TET1: variants seen among roughly 807,000 people sequenced by gnomAD.
TET1 encodes tet methylcytosine dioxygenase 1, also known as methylcytosine dioxygenase TET1.
In TET1, 13 loss-of-function variants were observed where a neutral mutation model predicts 148.7. The ratio of observed to expected loss-of-function variants is 0.09; its 90% CI spans 0.06 to 0.14. The LOEUF is 0.14. TET1 is among the 10% of genes least tolerant of loss of function. The pLI, the probability that TET1 is intolerant of heterozygous loss-of-function variation, is 1.00. For synonymous variants in TET1, 907 were observed against 937.2 expected (o/e 0.97, Z 0.59); for missense variants, 2,182 against 2,553.8 (o/e 0.85, Z 3.14).
In TET1 at chr10:68,690,921, C is replaced by G; in HGVS notation, c.5518C>G (p.Pro1840Ala). ...TTCGCTGATGCCATCCGCTCCTCAC[C>G]CAGTGAAAGAGGCATCTCCAGGCTT... ...TYSLMPSAPH[P>A]VKEASPGFSW... The change falls in exon 12 of 12, where the codon CCA becomes GCA. Residue 1840 changes from proline to alanine, a missense_variant. Around this residue, in one of 11 missense-constraint regions of TET1, gnomAD observed 380 missense variants for 387.9 expected, o/e 0.98. Transcript: ENST00000373644. 1 of 1,614,188 alleles carries G rather than the reference C, an allele frequency of 6.2e-7. No individual in the cohort carries two copies. Among genetic ancestry groups the G allele is most frequent in the Middle Eastern group, 1.6e-4 (1 of 6,062 alleles).
chr10:68,631,367 T>C lies in TET1; in HGVS notation c.1969-13331T>C, dbSNP rs189098860. On this transcript the variant is annotated intron_variant, in intron 3 of 11. Coordinates refer to ENST00000373644, the MANE Select transcript of TET1 (RefSeq NM_030625.3). ...CAGACAATTATTTGGAGGACTTTGG[T>C]TGTAAAATGGTGCAATGTGGTAGGG... 7.5e-4 allele frequency among the ~76,000 whole-genome samples: 114 copies of C among 151,954 alleles called. 1 individual carries two copies. The highest frequency in any genetic ancestry group is 7.3e-3 in the Admixed American group (112 of 15,240).
At chr10:68,668,572 T>C (rs1385421007) in intron 7 of TET1, among the ~76,000 whole-genome samples, 1 of 152,220 alleles carries the variant, frequency 6.6e-6, no homozygotes, top group Non-Finnish European at 1.5e-5. Flanking sequence ...ATAAGTTTTG[T>C]TGTTGTTCTT....
At position 68,631,009 on chromosome 10, in the gene TET1, T is replaced by C. The variant is rs142839393; in HGVS notation, c.1969-13689T>C. ...GTGGGCAACATAATGAGACCTTGTC[T>C]CTACAAAAAATTTTAAAATTAGCCA... On this transcript the variant is annotated intron_variant, in intron 3 of 11. Coordinates refer to ENST00000373644, the MANE Select transcript of TET1 (RefSeq NM_030625.3). Among the ~76,000 whole-genome samples, 760 of 151,966 alleles carry C rather than the reference T, an allele frequency of 5.0e-3. 6 individuals carry two copies. Among genetic ancestry groups the C allele is most frequent in the African/African-American group, 0.017 (711 of 41,438 alleles).
Position 68,646,449 on chromosome 10 carries a change from T to G in TET1, c.3720T>G (p.Thr1240=). The G allele has an allele frequency of 2.5e-6, 4 of 1,614,124 alleles. No homozygotes were observed. Among genetic ancestry groups the G allele is most frequent in the South Asian group, 1.1e-5 (1 of 91,076 alleles). Residue 1240 remains threonine (T), a synonymous_variant, in exon 4 of 12, where the codon ACT becomes ACG. Coordinates refer to ENST00000373644, the MANE Select transcript of TET1 (RefSeq NM_030625.3). ...CCAAAACAGTATTTCCACCACTCAC[T>G]CAGATAAAATTACAGAGATATCCTG... The part of the protein sequence containing the change: ...MQPKTVFPPL[T]QIKLQRYPES...
intron 8 of TET1, among the ~76,000 whole-genome samples, chr10:68,675,701 A>C (rs559526395): frequency 6.0e-4 from 91 of 151,888 alleles, no homozygotes; most frequent in African/African-American, 2.2e-3. Flanking sequence ...CTGGGATTAC[A>C]GGCATGAGAC....
Position 68,693,074 on chromosome 10 carries a change from T to C in TET1, c.*1260T>C, listed in dbSNP as rs908593675. On this transcript the variant is annotated 3_prime_UTR_variant, in exon 12 of 12. Coordinates refer to ENST00000373644, the MANE Select transcript of TET1 (RefSeq NM_030625.3). ...TTTGTCCATTAAGAGCTAATTCATT[T>C]GTTTATCTTAGCATACTAGATTTGG... The C allele has an allele frequency of 4.4e-6, 1 of 229,854 alleles. No homozygotes were observed. Among genetic ancestry groups the C allele is most frequent in the Non-Finnish European group, 8.5e-6 (1 of 117,118 alleles). The allele number at this position is 229,854 out of a possible 1,614,324, so 14.2% of individuals were successfully genotyped here. A position where few individuals can be genotyped will look rare whatever the true frequency, so the allele number is the denominator to read the frequency against.
At position 68,691,320 on chromosome 10, in the gene TET1, G is replaced by A; in HGVS notation, c.5917G>A (p.Glu1973Lys). 6.2e-7 allele frequency: 1 copy of A among 1,614,160 alleles called. No homozygotes were observed. The highest frequency in any genetic ancestry group is 8.5e-7 in the Non-Finnish European group (1 of 1,180,034). The part of the protein sequence containing the change: ...HSEADEPPSD[E>K]PLSDDPLSPA... Reference sequence around the variant, plus strand: ...TGAAGCAGATGAGCCTCCATCAGACGAACCCCTATCTGATGACCCCCTGTC... The same window carrying A: ...TGAAGCAGATGAGCCTCCATCAGACAAACCCCTATCTGATGACCCCCTGTC... Residue 1973 changes from glutamate to lysine, a missense_variant, in exon 12 of 12, where the codon GAA becomes AAA. By Grantham distance (56) the Glu-to-Lys change is moderately conservative. Transcript: ENST00000373644. The surrounding 1 kb of genome is among the most constrained non-coding windows in gnomAD (Gnocchi z 4.4).
intron 3 of TET1, among the ~76,000 whole-genome samples, chr10:68,628,916 T>C (rs1441690154): frequency 2.0e-5 from 3 of 152,198 alleles, no homozygotes; most frequent in African/African-American, 7.2e-5. Context: ...AACTGCAGTC[T>C]AATGTTTGAA....
intron 3 of TET1, among the ~76,000 whole-genome samples, chr10:68,604,554 G>C (rs961081890): frequency 6.6e-6 from 1 of 152,162 alleles, no homozygotes; most frequent in African/African-American, 2.4e-5. Context: ...GAGTCAAGTG[G>C]GGGGTGGGTG....
At chr10:68,659,153 A>G (rs1207888258) in intron 6 of TET1, among the ~76,000 whole-genome samples, 1 of 152,114 alleles carries the variant, frequency 6.6e-6, no homozygotes, top group African/African-American at 2.4e-5. Context: ...CTCTTTGTAT[A>G]CTTCCCCTCT....
At chr10:68,565,348 G>T (rs2133664074) in intron 1 of TET1, among the ~76,000 whole-genome samples, 1 of 151,670 alleles carries the variant, frequency 6.6e-6, no homozygotes, top group Non-Finnish European at 1.5e-5. Flanking sequence ...TGGTGTGGTG[G>T]CACGTGCCTG....
intron 3 of TET1, among the ~76,000 whole-genome samples, chr10:68,623,557 T>G (rs561141134): frequency 6.6e-6 from 1 of 152,336 alleles, no homozygotes; most frequent in East Asian, 1.9e-4. Flanking sequence ...TCTTCTACCT[T>G]TGAGATCCTC....
At chr10:68,673,520 A>T (rs2055302724) in intron 8 of TET1, 1 of 339,282 alleles carries the variant, frequency 2.9e-6, no homozygotes, top group Non-Finnish European at 5.9e-6. Context: ...CTTGGTGTTA[A>T]GTTAAATAAG....
chr10:68,582,305 G>T (rs2053807502), intron 2 of TET1, among the ~76,000 whole-genome samples: 1 of 151,966 alleles, frequency 6.6e-6, no homozygotes, highest in African/African-American at 2.4e-5. Context: ...CTCCATGTTG[G>T]TCAGGCTGGT....
rs755989600 is a variant in TET1, at chr10:68,646,548, C to T, written c.3819C>T (p.Asn1273=). ...LSLFHLKTES[N]GKAFTDKAYN... ...TATTTCATCTTAAAACGGAATCCAA[C>T]GGGAAGGCATTCACTGATAAAGCTT... is the stretch of plus-strand genomic sequence containing the variant. The change falls in exon 4 of 12, where the codon AAC becomes AAT. Residue 1273 remains asparagine, a synonymous_variant. Coordinates refer to ENST00000373644, the MANE Select transcript of TET1 (RefSeq NM_030625.3). 86 of 1,614,160 alleles carry T rather than the reference C, an allele frequency of 5.3e-5. No homozygotes were observed. The highest frequency in any genetic ancestry group is 6.4e-5 in the Non-Finnish European group (75 of 1,180,024).
At chr10:68,632,810 A>G in intron 3 of TET1, 1 of 1,031,792 alleles carries the variant, frequency 9.7e-7, no homozygotes, top group Non-Finnish European at 1.5e-6. Context: ...ATAAGCTCTC[A>G]ATCAAGTAAA....
At chr10:68,664,046 C>T (rs1240977713) in intron 6 of TET1, among the ~76,000 whole-genome samples, 1 of 152,024 alleles carries the variant, frequency 6.6e-6, no homozygotes, top group Non-Finnish European at 1.5e-5. Flanking sequence ...ATCGCGCAGG[C>T]TGTAGTGCAG....
At chr10:68,677,257 G>A (rs2055374215) in intron 8 of TET1, among the ~76,000 whole-genome samples, 1 of 152,166 alleles carries the variant, frequency 6.6e-6, no homozygotes, top group South Asian at 2.1e-4. Context: ...AACGGGGGCA[G>A]TTTTGCAAAG....
chr10:68,646,101 A>C lies in TET1; in HGVS notation c.3372A>C (p.Gln1124His), dbSNP rs1339636002. ...ACAATCAGGAGAAGGGCACAATACAACAGAAACCACCTTCAAGTGTACACA... is the reference window on the plus strand; with the variant it reads ...ACAATCAGGAGAAGGGCACAATACACCAGAAACCACCTTCAAGTGTACACA... Reference protein sequence around the residue: ...QKYNQEKGTIQQKPPSSVHNN... With the variant: ...QKYNQEKGTIHQKPPSSVHNN... Residue 1124 changes from glutamine (Q) to histidine (H), a missense_variant, in exon 4 of 12, where the codon CAA (glutamine) becomes CAC (histidine). Gln to His is a conservative substitution (Grantham distance 24, BLOSUM62 0). Coordinates refer to ENST00000373644, the MANE Select transcript of TET1 (RefSeq NM_030625.3). 6.2e-7 allele frequency: 1 copy of C among 1,614,092 alleles called. No individual in the cohort carries two copies. Among genetic ancestry groups the C allele is most frequent in the Non-Finnish European group, 8.5e-7 (1 of 1,180,014 alleles).
Sources: gnomAD v4.1 joint callset for allele counts (sites outside exome capture counted in the v4.1 genomes callset) on GRCh38, gnomAD v4.1.1 for gene constraint, gnomAD v4.1.1 regional missense constraint, Gnocchi (gnomAD v3.1) non-coding constraint, MANE v1.5 for transcripts, NCBI Gene and HGNC (gene_info 2026-07-23, HGNC 2026-07-21) for gene names.